HERC6: variants seen among roughly 807,000 people sequenced by gnomAD.
The protein encoded by HERC6 is HECT and RLD domain containing E3 ubiquitin protein ligase family member 6.
In HERC6, 101 loss-of-function variants were observed where a neutral mutation model predicts 114.5. That is an observed-to-expected ratio of 0.88 (90% CI 0.75 to 1.04). The LOEUF is 1.04. Ranked by LOEUF, HERC6 falls within the 50% of genes least tolerant of loss-of-function variation. HERC6 has a pLI of 0.00. For synonymous variants in HERC6, 408 were observed against 436.2 expected (o/e 0.94, Z 0.81); for missense variants, 1,133 against 1,230.9 (o/e 0.92, Z 1.19).
At chr4:88,396,379 A>G (rs1356802924) in intron 6 of HERC6, among the ~76,000 whole-genome samples, 1 of 152,196 alleles carries the variant, frequency 6.6e-6, no homozygotes, top group African/African-American at 2.4e-5. Context: ...GTGCTGGAGA[A>G]TGGGAAGTAG....
chr4:88,385,849 C>G (rs1734548857), intron 3 of HERC6, among the ~76,000 whole-genome samples: 1 of 152,106 alleles, frequency 6.6e-6, no homozygotes, highest in Non-Finnish European at 1.5e-5. Flanking sequence ...TATTTCCAGC[C>G]CTTTGCTCTT....
intron 5 of HERC6, among the ~76,000 whole-genome samples, chr4:88,395,806 G>A (rs753480502): frequency 6.6e-6 from 1 of 151,990 alleles, no homozygotes; most frequent in Non-Finnish European, 1.5e-5. Flanking sequence ...TTACAGGTGT[G>A]AGCTACTGTG....
chr4:88,416,507 C>T (rs1736494548), intron 12 of HERC6, among the ~76,000 whole-genome samples: 1 of 151,620 alleles, frequency 6.6e-6, no homozygotes. Flanking sequence ...TTAATGTAGC[C>T]TACTATATTA....
intron 1 of HERC6, among the ~76,000 whole-genome samples, chr4:88,380,563 A>G (rs1734264522): frequency 6.8e-6 from 1 of 146,588 alleles, no homozygotes; most frequent in Admixed American, 7.0e-5. Context: ...CTAAAATACA[A>G]AAAATAAACT....
rs375889442 is a variant in HERC6, at chr4:88,435,337, T to G, written c.2251-388T>G. 3.9e-5 allele frequency among the ~76,000 whole-genome samples: 6 copies of G among 152,102 alleles called. No individual in the cohort carries two copies. The East Asian group carries it at 5.8e-4, about 15-fold the overall frequency. The stretch of plus-strand genomic sequence containing the variant: ...GGCTGCCACTCATGCGAGGCTCATC[T>G]AATATGCCTGGTGACCAATAAATGT... On this transcript the variant is annotated intron_variant, in intron 17 of 22. Coordinates refer to ENST00000264346, the MANE Select transcript of HERC6 (RefSeq NM_017912.4).
intron 12 of HERC6, among the ~76,000 whole-genome samples, chr4:88,417,134 T>C (rs545205790): frequency 1.3e-5 from 2 of 152,298 alleles, no homozygotes; most frequent in South Asian, 4.1e-4. Flanking sequence ...AATTGTCAGT[T>C]TGAAAATCAT....
chr4:88,439,615 A>G (rs1052694456), intron 20 of HERC6, among the ~76,000 whole-genome samples: 4 of 152,200 alleles, frequency 2.6e-5, no homozygotes, highest in Admixed American at 6.5e-5. Flanking sequence ...TGACATATTC[A>G]GATTCATGTT....
Position 88,439,958 on chromosome 4 carries a change from TAG to T in HERC6, c.2643_2644del (p.Arg881SerfsTer3), listed in dbSNP as rs760640236. On this transcript the variant is annotated frameshift_variant, in exon 21 of 23. Transcript: ENST00000264346. LOFTEE classifies it high-confidence loss of function. ...ATGAGGAATTTCAGAGAGGATTTTA[TAG>T]AGTCTGTGAGAAGGAGATACTTAGA... Reference protein sequence around the residue: ...VYEEFQRGFYRVCEKEILRHF... With the variant: ...VYEEFQRGFYXVCEKEILRHF... 44 of 1,611,604 alleles carry T rather than the reference TAG, an allele frequency of 2.7e-5. No homozygotes were observed. The highest frequency in any genetic ancestry group is 3.3e-5 in the South Asian group (3 of 90,456).
chr4:88,399,957 A>G (rs1009455850), intron 8 of HERC6, among the ~76,000 whole-genome samples: 1 of 152,132 alleles, frequency 6.6e-6, no homozygotes, highest in African/African-American at 2.4e-5. Flanking sequence ...GAGCAGAGGG[A>G]ACTGCACACA....
chr4:88,393,533 G>A lies in HERC6; in HGVS notation c.710G>A (p.Gly237Asp), dbSNP rs1317831154. ...PLSVGALKNL[G>D]VVYISCGDAH... The stretch of plus-strand genomic sequence containing the variant: ...TCAGTCGGTGCACTGAAGAATCTAG[G>A]TGTGGTTTATATCAGCTGTGGTGAT... The change falls in exon 5 of 23, where the codon GGT (glycine) becomes GAT (aspartate). Residue 237 changes from glycine (G) to aspartate (D), a missense_variant. By Grantham distance (94) the Gly-to-Asp change is moderately conservative. Transcript: ENST00000264346. 1 of 1,612,932 alleles carries A rather than the reference G, an allele frequency of 6.2e-7. No individual in the cohort carries two copies. Among genetic ancestry groups the A allele is most frequent in the South Asian group, 1.1e-5 (1 of 90,874 alleles).
chr4:88,395,932 A>C (rs1735205408), intron 5 of HERC6, 83 bp from the exon 6 acceptor site: 1 of 1,289,004 alleles, frequency 7.8e-7, no homozygotes, highest in African/African-American at 1.5e-5. Context: ...CTCCCGTATT[A>C]ACTCTTGTAT....
At chr4:88,412,373 A>G (rs1312910893) in intron 11 of HERC6, among the ~76,000 whole-genome samples, 1 of 152,172 alleles carries the variant, frequency 6.6e-6, no homozygotes, top group African/African-American at 2.4e-5. Context: ...TGGGAGGCCA[A>G]GGTGGGAGTA....
At chr4:88,425,128 C>G (rs763844354) in intron 15 of HERC6, among the ~76,000 whole-genome samples, 2 of 152,178 alleles carry the variant, frequency 1.3e-5, no homozygotes, top group Non-Finnish European at 2.9e-5. Flanking sequence ...TTTTCCTTAT[C>G]AGTCAGGGCA....
At chr4:88,414,959 G>A (rs1736351355) in intron 12 of HERC6, among the ~76,000 whole-genome samples, 1 of 152,044 alleles carries the variant, frequency 6.6e-6, no homozygotes. Context: ...AAATGCCTCT[G>A]ACAGCAGCAG....
chr4:88,436,033 GA>G (rs1293971396), intron 18 of HERC6, 142 bp downstream of exon 18: 3 of 602,100 alleles, frequency 5.0e-6, no homozygotes, highest in Non-Finnish European at 7.9e-6. Flanking sequence ...ATTTTAGCAT[GA>G]TTTATAATTG....
intron 1 of HERC6, among the ~76,000 whole-genome samples, chr4:88,382,529 T>A (rs1258253527): frequency 6.6e-6 from 1 of 152,142 alleles, no homozygotes; most frequent in Non-Finnish European, 1.5e-5. Flanking sequence ...TTTGCTAGGT[T>A]TTGCTAGAGA....
At chr4:88,398,087 C>T (rs1247308813) in intron 7 of HERC6, 55 bp from the exon 8 acceptor site, 1 of 1,215,428 alleles carries the variant, frequency 8.2e-7, no homozygotes, top group Non-Finnish European at 1.1e-6. Flanking sequence ...GATAATACAT[C>T]AGATTTATTT....
In HERC6 at chr4:88,378,860, T is replaced by C. The variant is rs1733989800; in HGVS notation, c.-62T>C. The C allele has an allele frequency of 1.4e-6, 2 of 1,452,676 alleles. No individual in the cohort carries two copies. Among genetic ancestry groups the C allele is most frequent in the African/African-American group, 1.4e-5 (1 of 70,618 alleles). The allele number at this position is 1,452,676 out of a possible 1,614,324, so 90.0% of individuals were successfully genotyped here. ...TCATCGCGCACCCAGTCACCAGCGTTCGGGAGCCTGTCGCAGCGGGACCGA... is the reference window on the plus strand; with the variant it reads ...TCATCGCGCACCCAGTCACCAGCGTCCGGGAGCCTGTCGCAGCGGGACCGA... On this transcript the variant is annotated 5_prime_UTR_variant, in exon 1 of 23. Coordinates refer to ENST00000264346, the MANE Select transcript of HERC6 (RefSeq NM_017912.4).
intron 15 of HERC6, among the ~76,000 whole-genome samples, chr4:88,426,486 C>T (rs1441574522): frequency 1.4e-5 from 2 of 145,916 alleles, no homozygotes; most frequent in Non-Finnish European, 3.0e-5. Context: ...TTATTATCAT[C>T]ATCATCATCT....
Sources: allele counts gnomAD v4.1 joint callset (sites outside exome capture counted in the v4.1 genomes callset), GRCh38; gene constraint gnomAD v4.1.1; transcripts MANE v1.5; gene names NCBI Gene and HGNC (gene_info 2026-07-23, HGNC 2026-07-21).